The following MICAL2 variants were observed in gnomAD, a reference collection of about 807,000 sequenced individuals.
MICAL2 encodes the protein [F-actin]-monooxygenase MICAL2.
Under a neutral mutation model 127.3 loss-of-function variants are expected in MICAL2, and 77 were observed. The observed-to-expected ratio is 0.60, with a 90% CI of 0.50 to 0.73. The LOEUF (loss-of-function observed/expected upper bound fraction) is 0.73, where lower values mean the gene tolerates loss of function less well. Among genes scored for constraint, MICAL2 ranks in the 30% least tolerant of loss-of-function variants. MICAL2 has a pLI of 0.00. For synonymous variants in MICAL2, 570 were observed against 551.1 expected, an observed-to-expected ratio of 1.03 and a Z score of -0.48; for missense variants, 1,351 against 1,434.4, an observed-to-expected ratio of 0.94 and a Z score of 0.94.
intron 1 of MICAL2, chr11:12,276,485 G>C (rs1863723287): frequency 4.9e-6 from 1 of 202,566 alleles, no homozygotes; most frequent in South Asian, 1.9e-4. Flanking sequence ...ACTGTAGTGA[G>C]GGGTGCAGAA....
At chr11:12,271,138 T>C (rs1863670694), upstream of MICAL2, among the ~76,000 whole-genome samples, 2 of 152,196 alleles carry the variant, frequency 1.3e-5, no homozygotes, top group African/African-American at 4.8e-5. Flanking sequence ...AGCAGGTATC[T>C]GGCCAGAGCT....
At chr11:12,114,019 T>C (rs1256629091) in intron 1 of MICAL2, among the ~76,000 whole-genome samples, 1 of 152,234 alleles carries the variant, frequency 6.6e-6, no homozygotes, top group Non-Finnish European at 1.5e-5. Context: ...GCGAGCTATG[T>C]CCATGAGGGT....
intron 1 of MICAL2, among the ~76,000 whole-genome samples, chr11:12,133,477 C>T (rs1237046390): frequency 2.0e-5 from 3 of 152,126 alleles, no homozygotes; most frequent in East Asian, 1.9e-4. Context: ...GCATGGGATA[C>T]GGGAGTAGAT....
At chr11:12,127,745 G>A (rs1851064394) in intron 1 of MICAL2, among the ~76,000 whole-genome samples, 4 of 152,176 alleles carry the variant, frequency 2.6e-5, no homozygotes, top group Non-Finnish European at 5.9e-5. Context: ...GAGCAGAGGA[G>A]TGACATGTGT....
intron 1 of MICAL2, among the ~76,000 whole-genome samples, chr11:12,125,980 C>T (rs1435026958): frequency 1.3e-5 from 2 of 152,158 alleles, no homozygotes; most frequent in Non-Finnish European, 2.9e-5. Flanking sequence ...GCTCTGCAGC[C>T]TCCTACCCAC....
At chr11:12,325,599 C>T (rs867324365) in intron 31 of MICAL2, among the ~76,000 whole-genome samples, 38 of 152,292 alleles carry the variant, frequency 2.5e-4, no homozygotes, top group African/African-American at 8.4e-4. Flanking sequence ...TAGACAGCTG[C>T]CTTCTTCATG....
chr11:12,198,614 A>G (rs1860252712), intron 3 of MICAL2, among the ~76,000 whole-genome samples: 1 of 152,176 alleles, frequency 6.6e-6, no homozygotes, highest in Non-Finnish European at 1.5e-5. Context: ...ACCAGGAAGT[A>G]TGGTGGCACG....
At chr11:12,114,600 G>A (rs907736612) in intron 1 of MICAL2, among the ~76,000 whole-genome samples, 3 of 152,150 alleles carry the variant, frequency 2.0e-5, no homozygotes, top group African/African-American at 7.2e-5. Flanking sequence ...AGCACTGAAC[G>A]CCGTGTCTGG....
At chr11:12,302,425 T>C (rs999243315) in intron 29 of MICAL2, among the ~76,000 whole-genome samples, 2 of 152,328 alleles carry the variant, frequency 1.3e-5, no homozygotes, top group South Asian at 2.1e-4. Context: ...CAACACTTGA[T>C]AGTCTCAGCT....
chr11:12,166,948 G>A (rs542237992), intron 3 of MICAL2, among the ~76,000 whole-genome samples: 1 of 152,292 alleles, frequency 6.6e-6, no homozygotes, highest in South Asian at 2.1e-4. Context: ...AAGGAGGAGT[G>A]TGTGGGGTGC....
chr11:12,242,823 C>A, intron 20 of MICAL2, 51 bp downstream of exon 20: 2 of 1,380,028 alleles, frequency 1.4e-6, no homozygotes, highest in Non-Finnish European at 2.0e-6. Flanking sequence ...GGACATCCAG[C>A]CAGGTGACCT....
At chr11:12,291,610 C>G (rs7944791), downstream of MICAL2, among the ~76,000 whole-genome samples, 61,859 of 151,918 alleles carry the variant, frequency 0.41, 13,544 homozygotes, top group African/African-American at 0.56. Context: ...ACCTCCCTCT[C>G]TTGTGTGCTC....
chr11:12,243,745 A>G (rs766675900), intron 20 of MICAL2, among the ~76,000 whole-genome samples: 1 of 152,228 alleles, frequency 6.6e-6, no homozygotes, highest in African/African-American at 2.4e-5. Context: ...AACAGATTGA[A>G]TCTGCATGAG....
intron 1 of MICAL2, among the ~76,000 whole-genome samples, chr11:12,128,804 G>A (rs1033051710): frequency 2.6e-5 from 4 of 152,228 alleles, no homozygotes; most frequent in African/African-American, 9.6e-5. Flanking sequence ...AGCCATGTAA[G>A]TCCAAGATAG....
At chr11:12,232,244 C>T (rs942836645) in intron 15 of MICAL2, among the ~76,000 whole-genome samples, 3 of 152,226 alleles carry the variant, frequency 2.0e-5, no homozygotes, top group African/African-American at 7.2e-5. Flanking sequence ...CAATACAGCC[C>T]TTTGCAGCAT....
chr11:12,223,372 G>A, intron 11 of MICAL2, 39 bp from the exon 12 acceptor site: 1 of 1,578,382 alleles, frequency 6.3e-7, no homozygotes. Flanking sequence ...TAGGATTTGG[G>A]GGAAAACTGG....
intron 1 of MICAL2, among the ~76,000 whole-genome samples, chr11:12,278,034 G>A (rs975320698): frequency 6.6e-6 from 1 of 152,130 alleles, no homozygotes; most frequent in African/African-American, 2.4e-5. Context: ...CCTATATAGG[G>A]CACTTACTAT....
chr11:12,153,167 G>A (rs1853788445), intron 2 of MICAL2: 1 of 151,590 alleles, frequency 6.6e-6, no homozygotes, highest in South Asian at 2.1e-4. Context: ...AGTACCACAA[G>A]TGGGACCACA....
intron 3 of MICAL2, among the ~76,000 whole-genome samples, chr11:12,188,199 C>T (rs939400990): frequency 6.6e-6 from 1 of 152,144 alleles, no homozygotes; most frequent in East Asian, 1.9e-4. Context: ...AATATTTTAT[C>T]GATACTTTTT....
Sources: allele counts gnomAD v4.1 joint callset (sites outside exome capture counted in the v4.1 genomes callset), GRCh38; gene constraint gnomAD v4.1.1; transcripts MANE v1.5; gene names NCBI Gene and HGNC (gene_info 2026-07-23, HGNC 2026-07-21).